The following GPC6 variants were observed in gnomAD, a reference collection of about 807,000 sequenced individuals.
The protein encoded by GPC6 is glypican-6.
GPC6 carries 14 observed loss-of-function variants against 55.2 expected under a neutral mutation model. The observed-to-expected ratio is 0.25, with a 90% CI of 0.17 to 0.40. The LOEUF is 0.40. Ranked by LOEUF, GPC6 falls within the 10% of genes least tolerant of loss-of-function variation. GPC6 has a pLI of 1.00. For missense variants in GPC6, 641 were observed against 708.5 expected, an observed-to-expected ratio of 0.90 and a Z score of 1.08; for synonymous variants, 278 against 259.6, an observed-to-expected ratio of 1.07 and a Z score of -0.68.
intron 1 of GPC6, among the ~76,000 whole-genome samples, chr13:93,507,630 T>G (rs1346662505): frequency 6.6e-6 from 1 of 152,238 alleles, no homozygotes; most frequent in Non-Finnish European, 1.5e-5. Context: ...ATAATTTGTC[T>G]TTTTATGTTT....
intron 2 of GPC6, among the ~76,000 whole-genome samples, chr13:93,696,113 A>G (rs906930835): frequency 4.6e-5 from 7 of 152,180 alleles, no homozygotes; most frequent in Admixed American, 3.9e-4. Flanking sequence ...TAGGTTTGAG[A>G]TAAGTCTCTG....
chr13:93,503,819 A>T (rs1035989862), intron 1 of GPC6, among the ~76,000 whole-genome samples: 3 of 152,184 alleles, frequency 2.0e-5, no homozygotes, highest in Non-Finnish European at 4.4e-5. Context: ...ATAATGTTTT[A>T]AAATAGAACC....
chr13:93,506,944 C>T (rs1332722962), intron 1 of GPC6, among the ~76,000 whole-genome samples: 1 of 150,488 alleles, frequency 6.6e-6, no homozygotes, highest in Non-Finnish European at 1.5e-5. Flanking sequence ...GCCTGTAGTC[C>T]CAGCTACTCG....
At chr13:93,218,779 T>C in the GPC6 span, among the ~76,000 whole-genome samples, 1 of 152,242 alleles carries the variant, frequency 6.6e-6, no homozygotes, top group Non-Finnish European at 1.5e-5. Flanking sequence ...TTCATACTGA[T>C]GACTAAGTTG....
rs537033459 is a variant in GPC6 at position 93,650,547 on chromosome 13, A to T, written c.319+105126A>T. On this transcript the variant is annotated intron_variant, in intron 2 of 8. Transcript: ENST00000377047. ...ACACTGGGAACACAGAGATGAAAAA[A>T]TATAGAAGACAGTTTCATGATAGAA... is the stretch of plus-strand genomic sequence containing the variant. Among the ~76,000 whole-genome samples, 262 of 152,346 alleles carry T rather than the reference A, an allele frequency of 1.7e-3. 1 individual carries two copies. Among genetic ancestry groups the T allele is most frequent in the Non-Finnish European group, 3.3e-3 (226 of 68,026 alleles).
rs1366150771 is a variant in GPC6 at position 93,817,780 on chromosome 13, G to A, written c.320-12374G>A. Among the ~76,000 whole-genome samples the A allele has an allele frequency of 2.6e-5, 4 of 151,898 alleles. No individual in the cohort carries two copies. The South Asian group carries it at 8.3e-4, about 31-fold the overall frequency. ...AGGCTGAAGTGGGAGGATCCTGGGA[G>A]CCCCTGGAGGGGAAGGTTGCAGAGC... On this transcript the variant is annotated intron_variant, in intron 2 of 8. Transcript: ENST00000377047.
chr13:93,320,533 A>C (rs1879400516), intron 1 of GPC6, among the ~76,000 whole-genome samples: 1 of 151,962 alleles, frequency 6.6e-6, no homozygotes, highest in South Asian at 2.1e-4. Flanking sequence ...AATGATATTA[A>C]GTATATGGAC....
chr13:93,488,028 G>C (rs1594205541), intron 1 of GPC6, among the ~76,000 whole-genome samples: 1 of 152,236 alleles, frequency 6.6e-6, no homozygotes, highest in East Asian at 1.9e-4. Context: ...GTGCAGGTTT[G>C]TTACATATGT....
chr13:94,191,811 G>A (rs763427833), intron 4 of GPC6, among the ~76,000 whole-genome samples: 4 of 152,132 alleles, frequency 2.6e-5, no homozygotes, highest in Non-Finnish European at 4.4e-5. Flanking sequence ...AGGGGAACTG[G>A]TGAAGGTAAC....
intron 2 of GPC6, among the ~76,000 whole-genome samples, chr13:93,628,689 C>T (rs1425415991): frequency 6.6e-6 from 1 of 152,140 alleles, no homozygotes; most frequent in Non-Finnish European, 1.5e-5. Context: ...TGAATTTTGT[C>T]TCCATGCCTT....
chr13:94,005,488 C>T (rs1881979570), intron 3 of GPC6, among the ~76,000 whole-genome samples: 1 of 152,134 alleles, frequency 6.6e-6, no homozygotes, highest in Non-Finnish European at 1.5e-5. Flanking sequence ...AACACAGAGT[C>T]CCTATATGCT....
chr13:93,238,630 G>A (rs954257512), intron 1 of GPC6, among the ~76,000 whole-genome samples: 11 of 152,060 alleles, frequency 7.2e-5, no homozygotes, highest in Admixed American at 2.6e-4. Context: ...AGTAGTGAAA[G>A]TGGGCATCCT....
At chr13:94,195,467 A>G (rs192751182) in intron 4 of GPC6, among the ~76,000 whole-genome samples, 185 of 152,352 alleles carry the variant, frequency 1.2e-3, no homozygotes, top group Non-Finnish European at 2.2e-3. Flanking sequence ...ATCATGTGCC[A>G]TATCTAAACA....
At chr13:94,269,765 C>T (rs572379155) in intron 4 of GPC6, among the ~76,000 whole-genome samples, 1 of 152,332 alleles carries the variant, frequency 6.6e-6, no homozygotes, top group East Asian at 1.9e-4. Flanking sequence ...CCCAATACTC[C>T]TGACCTGATT....
At chr13:93,981,372 G>A (rs908164535) in intron 3 of GPC6, among the ~76,000 whole-genome samples, 1 of 152,174 alleles carries the variant, frequency 6.6e-6, no homozygotes, top group Non-Finnish European at 1.5e-5. Flanking sequence ...GTTTTAATAT[G>A]TTATTTAGTG....
At chr13:94,373,810 G>A (rs1429936488) in intron 6 of GPC6, among the ~76,000 whole-genome samples, 1 of 152,172 alleles carries the variant, frequency 6.6e-6, no homozygotes, top group African/African-American at 2.4e-5. Context: ...AGGGCAGCCA[G>A]AGAGAAAGGT....
chr13:93,960,663 A>T (rs1212029309), intron 3 of GPC6, among the ~76,000 whole-genome samples: 2 of 152,082 alleles, frequency 1.3e-5, no homozygotes, highest in Non-Finnish European at 2.9e-5. Context: ...CACACATTGG[A>T]TCCCAAGTTT....
chr13:94,222,439 C>T (rs1156721803), intron 4 of GPC6, among the ~76,000 whole-genome samples: 1 of 152,046 alleles, frequency 6.6e-6, no homozygotes, highest in African/African-American at 2.4e-5. Context: ...ATCCTAGAGA[C>T]ACATTAGGGA....
chr13:94,055,089 A>G (rs1047433602), intron 4 of GPC6, among the ~76,000 whole-genome samples: 4 of 152,154 alleles, frequency 2.6e-5, no homozygotes, highest in African/African-American at 4.8e-5. Context: ...GTGTTTGGAT[A>G]TTGTCGTCTG....
Sources: gnomAD v4.1 joint callset for allele counts (sites outside exome capture counted in the v4.1 genomes callset) on GRCh38, gnomAD v4.1.1 for gene constraint, MANE v1.5 for transcripts, NCBI Gene and HGNC (gene_info 2026-07-23, HGNC 2026-07-21) for gene names.